The following CNTNAP2 variants were observed in gnomAD, a reference collection of about 807,000 sequenced individuals.
The protein encoded by CNTNAP2 is contactin-associated protein-like 2.
Under a neutral mutation model 155.2 loss-of-function variants are expected in CNTNAP2, and 98 were observed. The ratio of observed to expected loss-of-function variants is 0.63; its 90% CI spans 0.54 to 0.75. The LOEUF is 0.75. CNTNAP2 is among the 30% of genes least tolerant of loss of function. CNTNAP2 has a pLI of 0.00. For missense variants in CNTNAP2, 1,727 were observed against 1,688.1 expected (o/e 1.02, Z -0.40); for synonymous variants, 651 against 631.2 (o/e 1.03, Z -0.47).
At chr7:147,090,764 AT>A (rs1296532964) in intron 4 of CNTNAP2, among the ~76,000 whole-genome samples, 1 of 152,124 alleles carries the variant, frequency 6.6e-6, no homozygotes, top group Non-Finnish European at 1.5e-5. Context: ...AGGATGTAAT[AT>A]TTTTGCTGCA....
intron 1 of CNTNAP2, among the ~76,000 whole-genome samples, chr7:146,213,220 T>C (rs1214921684): frequency 1.3e-5 from 2 of 152,198 alleles, no homozygotes; most frequent in East Asian, 3.8e-4. Flanking sequence ...TGTCCAATTC[T>C]GTTGGCAAAC....
Position 147,319,311 on chromosome 7 carries a change from G to A in CNTNAP2, c.1498+19021G>A, listed in dbSNP as rs553959652. The stretch of plus-strand genomic sequence containing the variant: ...AGTTAATCTCTTGTGTTATGTCAAA[G>A]TATATAATGGTAAATATCAACTAAA... On this transcript the variant is annotated intron_variant, in intron 9 of 23. Coordinates refer to ENST00000361727, the MANE Select transcript of CNTNAP2 (RefSeq NM_014141.6). 1.9e-4 allele frequency among the ~76,000 whole-genome samples: 29 copies of A among 152,226 alleles called. No homozygotes were observed. The South Asian group carries it at 6.0e-3, about 32-fold the overall frequency.
chr7:147,539,418 C>T (rs1353424635), intron 11 of CNTNAP2, among the ~76,000 whole-genome samples: 1 of 152,130 alleles, frequency 6.6e-6, no homozygotes, highest in Admixed American at 6.6e-5. Context: ...ACAGAAGAGT[C>T]ATCCAGAGCC....
intron 9 of CNTNAP2, among the ~76,000 whole-genome samples, chr7:147,391,852 T>TTTTTTTTTTTTTTTTTTTTTTTG (rs1796723808): frequency 6.6e-6 from 1 of 152,040 alleles, no homozygotes. Flanking sequence ...TGTGATTTCT[T>TTTTTTTTTTTTTTTTTTTTTTTG]AATGTTTGCA....
chr7:147,458,973 A>AT (rs35029412), intron 10 of CNTNAP2, among the ~76,000 whole-genome samples: 105 of 151,502 alleles, frequency 6.9e-4, no homozygotes, highest in Middle Eastern at 3.4e-3. Flanking sequence ...AAGGAAATTG[A>AT]TTTTTTTTTT....
chr7:147,230,063 A>G (rs1230009718), intron 8 of CNTNAP2, among the ~76,000 whole-genome samples: 1 of 152,178 alleles, frequency 6.6e-6, no homozygotes, highest in Non-Finnish European at 1.5e-5. Flanking sequence ...TAATACTGAC[A>G]TGCAATTAAA....
chr7:147,637,086 A>G (rs1584871680), intron 12 of CNTNAP2, among the ~76,000 whole-genome samples: 1 of 152,078 alleles, frequency 6.6e-6, no homozygotes. Context: ...GGCGGGGAGG[A>G]GCCAGGTCAC....
At chr7:146,679,315 T>A (rs1468096817) in intron 1 of CNTNAP2, among the ~76,000 whole-genome samples, 1 of 149,668 alleles carries the variant, frequency 6.7e-6, no homozygotes, top group East Asian at 2.0e-4. Context: ...TCTAGCTCCA[T>A]CCATATCCAT....
At chr7:147,089,485 T>G (rs1340571725) in intron 4 of CNTNAP2, among the ~76,000 whole-genome samples, 3 of 152,176 alleles carry the variant, frequency 2.0e-5, no homozygotes, top group Non-Finnish European at 4.4e-5. Flanking sequence ...TATTTTTACT[T>G]GATTTAGCTA....
At chr7:148,002,286 C>T (rs1585071856) in intron 15 of CNTNAP2, among the ~76,000 whole-genome samples, 1 of 152,064 alleles carries the variant, frequency 6.6e-6, no homozygotes, top group South Asian at 2.1e-4. Context: ...AAAATGACAG[C>T]AAAATGTTCA....
At chr7:146,904,119 C>T (rs566271200) in intron 3 of CNTNAP2, among the ~76,000 whole-genome samples, 2 of 152,140 alleles carry the variant, frequency 1.3e-5, no homozygotes, top group Non-Finnish European at 2.9e-5. Flanking sequence ...AAATAGCCCA[C>T]AATATCTTAA....
chr7:147,405,807 T>C (rs1329385376), intron 10 of CNTNAP2, among the ~76,000 whole-genome samples: 1 of 152,180 alleles, frequency 6.6e-6, no homozygotes, highest in African/African-American at 2.4e-5. Context: ...CTGAAATTCA[T>C]TGGCGATTTT....
intron 12 of CNTNAP2, among the ~76,000 whole-genome samples, chr7:147,573,391 C>T (rs958591806): frequency 6.6e-6 from 1 of 152,182 alleles, no homozygotes; most frequent in Non-Finnish European, 1.5e-5. Flanking sequence ...CTGTATCATT[C>T]ACTTCATCAT....
chr7:148,256,259 C>T (rs1796451813), intron 20 of CNTNAP2, among the ~76,000 whole-genome samples: 1 of 152,082 alleles, frequency 6.6e-6, no homozygotes, highest in Non-Finnish European at 1.5e-5. Flanking sequence ...AAGTGGTACC[C>T]TAGAGTTGTA....
intron 13 of CNTNAP2, among the ~76,000 whole-genome samples, chr7:147,676,589 G>A (rs1042872332): frequency 5.9e-5 from 9 of 151,860 alleles, no homozygotes; most frequent in Admixed American, 4.6e-4. Flanking sequence ...TGTGTTGTAT[G>A]ATAGACGTCT....
At position 147,742,230 on chromosome 7, in the gene CNTNAP2, C is replaced by T. The variant is rs76489104; in HGVS notation, c.2098+102924C>T. On this transcript the variant is annotated intron_variant, in intron 13 of 23. Transcript: ENST00000361727. ...AGCCAAACCATATCAATGGCAAAAC[C>T]GTATAAGGTTCATCTTTAGATCATC... Among the ~76,000 whole-genome samples, 1,328 of 152,290 alleles carry T rather than the reference C, an allele frequency of 8.7e-3. 10 individuals carry two copies. Among genetic ancestry groups the T allele is most frequent in the African/African-American group, 0.028 (1,152 of 41,566 alleles).
At chr7:147,392,523 C>G (rs1333845214) in intron 9 of CNTNAP2, among the ~76,000 whole-genome samples, 2 of 151,948 alleles carry the variant, frequency 1.3e-5, no homozygotes, top group African/African-American at 2.4e-5. Flanking sequence ...CCTTTCTTCC[C>G]TGAGTCCGCA....
chr7:147,348,134 G>A (rs766001793), intron 9 of CNTNAP2, among the ~76,000 whole-genome samples: 1 of 151,764 alleles, frequency 6.6e-6, no homozygotes, highest in African/African-American at 2.4e-5. Context: ...TATGAATAAG[G>A]CCTCAAACAC....
At chr7:146,820,190 T>C (rs1018808156) in intron 2 of CNTNAP2, among the ~76,000 whole-genome samples, 4 of 152,174 alleles carry the variant, frequency 2.6e-5, no homozygotes, top group Non-Finnish European at 4.4e-5. Flanking sequence ...TTTATGTTTT[T>C]TCAGAGTGGT....
Sources: gnomAD v4.1 joint callset for allele counts (sites outside exome capture counted in the v4.1 genomes callset) on GRCh38, gnomAD v4.1.1 for gene constraint, MANE v1.5 for transcripts, NCBI Gene and HGNC (gene_info 2026-07-23, HGNC 2026-07-21) for gene names.